Variants in DTNA observed in about 807,000 individuals in gnomAD.
DTNA encodes dystrobrevin alpha.
DTNA carries 43 observed loss-of-function variants against 100.7 expected under a neutral mutation model. The observed-to-expected ratio is 0.43, with a 90% confidence interval of 0.33 to 0.55. The LOEUF (loss-of-function observed/expected upper bound fraction) is 0.55. DTNA is among the 20% of genes least tolerant of loss of function. The pLI is 0.04. For synonymous variants in DTNA, 349 were observed against 347.9 expected (o/e 1.00, Z -0.04); for missense variants, 798 against 953.9 (o/e 0.84, Z 2.15).
chr18:34,674,234 C>T (rs564961290), intron 1 of DTNA, among the ~76,000 whole-genome samples: 6 of 152,298 alleles, frequency 3.9e-5, no homozygotes, highest in Admixed American at 6.5e-5. Flanking sequence ...CTTGCCCTTC[C>T]GCAAAGGTGC....
chr18:34,794,768 G>A (rs1180256029), intron 4 of DTNA, among the ~76,000 whole-genome samples: 3 of 152,144 alleles, frequency 2.0e-5, no homozygotes, highest in Non-Finnish European at 4.4e-5. Flanking sequence ...ATAAGGGGAT[G>A]CTGTCCACAG....
chr18:34,802,009 C>T (rs1049921267), intron 4 of DTNA, among the ~76,000 whole-genome samples: 1 of 152,148 alleles, frequency 6.6e-6, no homozygotes, highest in Non-Finnish European at 1.5e-5. Flanking sequence ...AGACTTGTGC[C>T]CTGTGATGCA....
chr18:34,712,767 G>C (rs911245336), intron 1 of DTNA, among the ~76,000 whole-genome samples: 5 of 152,022 alleles, frequency 3.3e-5, no homozygotes, highest in Admixed American at 6.6e-5. Flanking sequence ...TAACATTTTA[G>C]CTTTAATCTC....
rs1274975019 is a variant in DTNA, at chr18:34,610,561, T to C, written c.-2+117047T>C. Reference sequence around the variant, plus strand: ...TTTGTTTTCAGGTACATTTAAAAAATGTATAGATCCAAAGGGATCTGGGAA... The same window carrying C: ...TTTGTTTTCAGGTACATTTAAAAAACGTATAGATCCAAAGGGATCTGGGAA... On this transcript the variant is annotated intron_variant, in intron 1 of 19. Transcript: ENST00000283365. 6.6e-5 allele frequency among the ~76,000 whole-genome samples: 10 copies of C among 152,172 alleles called. No homozygotes were observed. The East Asian group carries it at 1.9e-3, about 29-fold the overall frequency.
intron 1 of DTNA, among the ~76,000 whole-genome samples, chr18:34,694,544 G>C (rs552922159): frequency 6.6e-6 from 1 of 152,096 alleles, no homozygotes; most frequent in African/African-American, 2.4e-5. Flanking sequence ...TCTCAATTTT[G>C]TCTATTTCTA....
chr18:34,612,304 G>A (rs569200743), intron 1 of DTNA, among the ~76,000 whole-genome samples: 1 of 152,186 alleles, frequency 6.6e-6, no homozygotes, highest in Non-Finnish European at 1.5e-5. Flanking sequence ...GCCATGCCAG[G>A]TGACCCACAT....
intron 1 of DTNA, among the ~76,000 whole-genome samples, chr18:34,556,659 G>A (rs1447196453): frequency 6.6e-6 from 1 of 151,870 alleles, no homozygotes; most frequent in Non-Finnish European, 1.5e-5. Flanking sequence ...TGAAATTCTG[G>A]GTTGAAAATT....
At chr18:34,610,156 T>C (rs1020822859) in intron 1 of DTNA, among the ~76,000 whole-genome samples, 1 of 152,196 alleles carries the variant, frequency 6.6e-6, no homozygotes, top group African/African-American at 2.4e-5. Context: ...CATGCCTGAT[T>C]ACAATGTGTT....
intron 1 of DTNA, among the ~76,000 whole-genome samples, chr18:34,560,646 C>G (rs1337050862): frequency 1.3e-5 from 2 of 152,164 alleles, no homozygotes; most frequent in Non-Finnish European, 2.9e-5. Flanking sequence ...TGGCTCACTC[C>G]TGTAATCCCA....
At chr18:34,857,263 A>G (rs1321399094) in intron 15 of DTNA, among the ~76,000 whole-genome samples, 1 of 152,234 alleles carries the variant, frequency 6.6e-6, no homozygotes, top group African/African-American at 2.4e-5. Flanking sequence ...CTTACTAATC[A>G]TTAGCCTCCT....
chr18:34,710,741 G>C (rs2082740317), intron 1 of DTNA, among the ~76,000 whole-genome samples: 1 of 151,866 alleles, frequency 6.6e-6, no homozygotes, highest in Non-Finnish European at 1.5e-5. Context: ...TAATAAGAAT[G>C]CAATAACTGG....
At chr18:34,877,883 A>G in intron 19 of DTNA, 75 bp downstream of exon 19, 7 of 1,241,168 alleles carry the variant, frequency 5.6e-6, no homozygotes, top group African/African-American at 1.5e-5. Context: ...TCTCTTAGAG[A>G]TCTGCTTATT....
chr18:34,873,197 G>A (rs2096782233), intron 17 of DTNA, among the ~76,000 whole-genome samples: 1 of 152,176 alleles, frequency 6.6e-6, no homozygotes, highest in Non-Finnish European at 1.5e-5. Flanking sequence ...TTACAAAAGT[G>A]GAGTTATATT....
chr18:34,552,249 C>T lies in DTNA; in HGVS notation c.-2+58735C>T, dbSNP rs554427571. On this transcript the variant is annotated intron_variant, in intron 1 of 19. Transcript: ENST00000283365. The stretch of plus-strand genomic sequence containing the variant: ...TGAAAGGTGCATTTAATGAACACCT[C>T]GATGGAAGATGGTAGTATGTTGTAA... 2.6e-3 allele frequency among the ~76,000 whole-genome samples: 398 copies of T among 151,896 alleles called. 1 individual carries two copies. Among genetic ancestry groups the T allele is most frequent in the Non-Finnish European group, 3.4e-3 (230 of 67,992 alleles).
intron 1 of DTNA, among the ~76,000 whole-genome samples, chr18:34,655,874 G>A (rs1037923256): frequency 2.0e-5 from 3 of 152,148 alleles, no homozygotes; most frequent in Non-Finnish European, 4.4e-5. Context: ...GAAGTTAATT[G>A]TTCATATATA....
In DTNA at chr18:34,825,108, C is replaced by A. The variant is rs570464816; in HGVS notation, c.1002-2485C>A. On this transcript the variant is annotated intron_variant, in intron 9 of 22. Transcript: ENST00000444659. ...CAAGGGACTTTTTTTTTCTACCCACCTTGTAGAGAGGTGCTGCCAGTCATG... is the reference window on the plus strand; with the variant it reads ...CAAGGGACTTTTTTTTTCTACCCACATTGTAGAGAGGTGCTGCCAGTCATG... Among the ~76,000 whole-genome samples, 14 of 151,648 alleles carry A rather than the reference C, an allele frequency of 9.2e-5. No homozygotes were observed. In the South Asian group the frequency reaches 2.7e-3, roughly 29 times the overall value.
chr18:34,551,056 T>G (rs1413405531), intron 1 of DTNA, among the ~76,000 whole-genome samples: 1 of 152,194 alleles, frequency 6.6e-6, no homozygotes, highest in African/African-American at 2.4e-5. Context: ...ATATGAAACA[T>G]AAGGCCATCT....
At chr18:34,564,246 G>C (rs567651578) in intron 1 of DTNA, among the ~76,000 whole-genome samples, 2 of 152,168 alleles carry the variant, frequency 1.3e-5, no homozygotes, top group South Asian at 4.1e-4. Context: ...GGGTTAAAGT[G>C]ATTCTCCTGC....
At chr18:34,859,985 A>C (rs1341641772) in intron 16 of DTNA, among the ~76,000 whole-genome samples, 1 of 152,146 alleles carries the variant, frequency 6.6e-6, no homozygotes, top group Admixed American at 6.5e-5. Context: ...TAAATATCAT[A>C]CTGTTCTTTC....
Sources: gnomAD v4.1 joint callset for allele counts (sites outside exome capture counted in the v4.1 genomes callset) on GRCh38, gnomAD v4.1.1 for gene constraint, MANE v1.5 for transcripts, NCBI Gene and HGNC (gene_info 2026-07-23, HGNC 2026-07-21) for gene names.